Variants in CD44 observed in about 807,000 individuals in gnomAD.
CD44 encodes CD44 antigen.
In CD44, 49 loss-of-function variants were observed where a neutral mutation model predicts 88.8. The ratio of observed to expected loss-of-function variants is 0.55; its 90% CI spans 0.44 to 0.70. The LOEUF (loss-of-function observed/expected upper bound fraction) is 0.70, where lower values mean the gene tolerates loss of function less well. Ranked by LOEUF, CD44 falls within the 30% of genes least tolerant of loss-of-function variation. The pLI, the probability that CD44 is intolerant of heterozygous loss-of-function variation, is 0.00. For synonymous variants in CD44, 325 were observed against 312.3 expected (o/e 1.04, Z -0.43); for missense variants, 883 against 913.8 (o/e 0.97, Z 0.43).
At position 35,198,239 on chromosome 11, in the gene CD44, C is replaced by T; in HGVS notation, c.915C>T (p.Ser305=). The change falls in exon 7 of 18, where the codon TCC becomes TCT. Residue 305 remains serine (S), a synonymous_variant. Transcript: ENST00000428726. The part of the protein sequence containing the change: ...SGIDDDEDFI[S]STISTTPRAF... ...TTGATGATGATGAAGATTTTATCTC[C>T]AGCACCAGTAAGAATAATCAATTAC... is the stretch of plus-strand genomic sequence containing the variant. 6.2e-7 allele frequency: 1 copy of T among 1,613,808 alleles called. No homozygotes were observed. Among genetic ancestry groups the T allele is most frequent in the Non-Finnish European group, 8.5e-7 (1 of 1,179,746 alleles).
intron 1 of CD44, among the ~76,000 whole-genome samples, chr11:35,143,385 C>T (rs773855220): frequency 6.0e-5 from 9 of 150,722 alleles, no homozygotes; most frequent in African/African-American, 9.8e-5. Flanking sequence ...GATGTGAAGC[C>T]GGGGGTAGCA....
At chr11:35,186,215 C>T (rs575880147) in intron 3 of CD44, among the ~76,000 whole-genome samples, 1 of 152,234 alleles carries the variant, frequency 6.6e-6, no homozygotes, top group Admixed American at 6.5e-5. Flanking sequence ...TTAATAAATA[C>T]ATTATTACAT....
chr11:35,167,948 G>A (rs138498549), intron 1 of CD44, among the ~76,000 whole-genome samples: 52 of 152,308 alleles, frequency 3.4e-4, no homozygotes, highest in Non-Finnish European at 3.5e-4. Context: ...GAGTATGATG[G>A]GAAGACCAAC....
rs1398372304 is a variant in CD44, at chr11:35,231,524, T to G, written c.*2191T>G. 5.9e-5 allele frequency: 9 copies of G among 152,230 alleles called. No individual in the cohort carries two copies. Among genetic ancestry groups the G allele is most frequent in the Admixed American group, 5.9e-4 (9 of 15,274 alleles). The allele number at this position is 152,230 out of a possible 1,614,324, so 9.4% of individuals were successfully genotyped here. On this transcript the variant is annotated 3_prime_UTR_variant, in exon 18 of 18. Coordinates refer to ENST00000428726, the MANE Select transcript of CD44 (RefSeq NM_000610.4). ...AATACTTTTTTCCCTTTATTACTGTTGTAGTCCCTCACTTGGATATACCTC... is the reference window on the plus strand; with the variant it reads ...AATACTTTTTTCCCTTTATTACTGTGGTAGTCCCTCACTTGGATATACCTC...
At chr11:35,151,987 GAGA>G (rs1242567264) in intron 1 of CD44, among the ~76,000 whole-genome samples, 1 of 152,212 alleles carries the variant, frequency 6.6e-6, no homozygotes, top group Non-Finnish European at 1.5e-5. Context: ...ACTGCAAACT[GAGA>G]AGACAAAAGT....
At chr11:35,213,054 C>T (rs1353676673) in intron 14 of CD44, among the ~76,000 whole-genome samples, 2 of 151,470 alleles carry the variant, frequency 1.3e-5, no homozygotes, top group South Asian at 2.1e-4. Context: ...GAACTCCTGA[C>T]CTCAAGTGAT....
At chr11:35,153,816 A>G (rs1941499656) in intron 1 of CD44, among the ~76,000 whole-genome samples, 1 of 152,260 alleles carries the variant, frequency 6.6e-6, no homozygotes, top group African/African-American at 2.4e-5. Context: ...GATGAATAGC[A>G]GTAACCATGT....
At position 35,229,148 on chromosome 11, in the gene CD44, C is replaced by T; in HGVS notation, c.2044C>T (p.Leu682=). 1.2e-6 allele frequency: 2 copies of T among 1,613,754 alleles called. No homozygotes were observed. The highest frequency in any genetic ancestry group is 1.7e-6 in the Non-Finnish European group (2 of 1,179,812). Residue 682 remains leucine, a synonymous_variant, in exon 18 of 18, where the codon CTA becomes TTA. Transcript: ENST00000428726. ...SRRRCGQKKK[L]VINSGNGAVE... ...TATTAGGTGTGGGCAGAAGAAAAAG[C>T]TAGTGATCAACAGTGGCAATGGAGC... is the stretch of plus-strand genomic sequence containing the variant.
intron 1 of CD44, among the ~76,000 whole-genome samples, chr11:35,144,261 C>T (rs952185417): frequency 4.6e-5 from 7 of 152,172 alleles, no homozygotes; most frequent in Admixed American, 2.6e-4. Context: ...CCGGCACCTT[C>T]GCTTTAGGTC....
chr11:35,225,833 A>C (rs1158229431), intron 17 of CD44, among the ~76,000 whole-genome samples: 1 of 152,004 alleles, frequency 6.6e-6, no homozygotes, highest in African/African-American at 2.4e-5. Context: ...AACAAAACAA[A>C]CAAACAAACA....
chr11:35,199,082 A>C (rs376174360), intron 7 of CD44, among the ~76,000 whole-genome samples: 52 of 152,332 alleles, frequency 3.4e-4, no homozygotes, highest in African/African-American at 1.2e-3. Context: ...CTGAGGTCAA[A>C]GGAACAAATC....
chr11:35,149,459 G>A (rs1859878326), intron 1 of CD44, among the ~76,000 whole-genome samples: 1 of 152,202 alleles, frequency 6.6e-6, no homozygotes, highest in Non-Finnish European at 1.5e-5. Flanking sequence ...CTTGTTAAAT[G>A]TCTGGAACAA....
Position 35,201,686 on chromosome 11 carries a change from G to A in CD44, c.1052G>A (p.Gly351Asp), listed in dbSNP as rs1947328681. Reference protein sequence around the residue: ...TTRMTDVDRNGTTAYEGNWNP... With the variant: ...TTRMTDVDRNDTTAYEGNWNP... The stretch of plus-strand genomic sequence containing the variant: ...ATCACAGCAGATGTAGACAGAAATG[G>A]CACCACTGCTTATGAAGGAAACTGG... Residue 351 changes from glycine to aspartate, a missense_variant, in exon 9 of 18, where the codon GGC becomes GAC. Gly to Asp is a moderately conservative substitution (Grantham distance 94). Transcript: ENST00000428726. 11 of 1,613,640 alleles carry A rather than the reference G, an allele frequency of 6.8e-6. No individual in the cohort carries two copies. The highest frequency in any genetic ancestry group is 9.3e-6 in the Non-Finnish European group (11 of 1,179,682).
At chr11:35,139,701 C>T (rs1564984526) in intron 1 of CD44, 1 of 564,336 alleles carries the variant, frequency 1.8e-6, no homozygotes, top group South Asian at 1.5e-5. Context: ...GTTGTCTGGA[C>T]TAACAGGCTC....
chr11:35,143,706 G>A (rs966007222), intron 1 of CD44, among the ~76,000 whole-genome samples: 1 of 144,210 alleles, frequency 6.9e-6, no homozygotes, highest in African/African-American at 2.8e-5. Flanking sequence ...GGCAGGCTGT[G>A]GACTCTTGGC....
chr11:35,182,433 G>C (rs2133778248), intron 3 of CD44, among the ~76,000 whole-genome samples: 1 of 152,182 alleles, frequency 6.6e-6, no homozygotes, highest in Non-Finnish European at 1.5e-5. Flanking sequence ...TACGAAACAG[G>C]AACAGAAAAC....
chr11:35,143,474 C>T (rs548486655), intron 1 of CD44, among the ~76,000 whole-genome samples: 122 of 152,074 alleles, frequency 8.0e-4, no homozygotes, highest in South Asian at 1.5e-3. Context: ...ATAAAGAGAT[C>T]GAGACTTGTG....
chr11:35,224,195 G>A (rs1436499593), intron 17 of CD44, among the ~76,000 whole-genome samples: 2 of 152,186 alleles, frequency 1.3e-5, no homozygotes. Flanking sequence ...GCATGATGAA[G>A]TGATCTGTGA....
chr11:35,147,743 C>G (rs1859457783), intron 1 of CD44, among the ~76,000 whole-genome samples: 1 of 152,092 alleles, frequency 6.6e-6, no homozygotes, highest in Admixed American at 6.6e-5. Context: ...AAGATAGTAG[C>G]ACGATAACAG....
Sources: allele counts gnomAD v4.1 joint callset (sites outside exome capture counted in the v4.1 genomes callset), GRCh38; gene constraint gnomAD v4.1.1; transcripts MANE v1.5; gene names NCBI Gene and HGNC (gene_info 2026-07-23, HGNC 2026-07-21).